AKAP8L: variants seen among roughly 807,000 people sequenced by gnomAD.
AKAP8L encodes A-kinase anchoring protein 8 like, also known as A-kinase anchor protein 8-like.
Under a neutral mutation model 77.5 loss-of-function variants are expected in AKAP8L, and 34 were observed. That is an observed-to-expected ratio of 0.44 (90% CI 0.33 to 0.58). The LOEUF is 0.58. AKAP8L is among the 20% of genes least tolerant of loss of function. The probability of loss-of-function intolerance (pLI) is 0.02; values close to 1 mark genes in which losing one functional copy is unlikely to be tolerated. For missense variants in AKAP8L, 806 were observed against 887.6 expected, an observed-to-expected ratio of 0.91 and a Z score of 1.17; for synonymous variants, 342 against 340.7, an observed-to-expected ratio of 1.00 and a Z score of -0.04.
chr19:15,391,819 G>A (rs909317569), intron 12 of AKAP8L, among the ~76,000 whole-genome samples: 1 of 152,086 alleles, frequency 6.6e-6, no homozygotes, highest in Non-Finnish European at 1.5e-5. Flanking sequence ...TTACAGGCAT[G>A]AGCCACTGCG....
At chr19:15,408,951 A>G (rs1568272649) in intron 2 of AKAP8L, among the ~76,000 whole-genome samples, 1 of 152,110 alleles carries the variant, frequency 6.6e-6, no homozygotes, top group African/African-American at 2.4e-5. Flanking sequence ...ACAATTATAT[A>G]TTTATATGCC....
At chr19:15,387,110 T>C (rs553298811) in intron 12 of AKAP8L, among the ~76,000 whole-genome samples, 2 of 152,242 alleles carry the variant, frequency 1.3e-5, no homozygotes, top group African/African-American at 4.8e-5. Context: ...ACTAAGAATA[T>C]AAGGGCTCAC....
At chr19:15,380,985 C>G (rs1205347392) in intron 12 of AKAP8L, 1 of 205,272 alleles carries the variant, frequency 4.9e-6, no homozygotes, top group Admixed American at 5.6e-5. Context: ...GCAAGGAGCA[C>G]TTTGGGGCCA....
intron 1 of AKAP8L, chr19:15,417,720 G>A (rs1022709988): frequency 6.6e-6 from 1 of 152,176 alleles, no homozygotes; most frequent in African/African-American, 2.4e-5. Context: ...ACAGACTCAC[G>A]TTGCATTCTC....
intron 12 of AKAP8L, among the ~76,000 whole-genome samples, chr19:15,384,213 G>A (rs953130805): frequency 6.6e-6 from 1 of 151,326 alleles, no homozygotes; most frequent in Non-Finnish European, 1.5e-5. Context: ...TTATAGGCGT[G>A]AGCCACCGTG....
In AKAP8L at chr19:15,404,394, C is replaced by G. The variant is rs754507413; in HGVS notation, c.89-352G>C. The G allele has an allele frequency of 2.5e-4, 61 of 240,428 alleles. 1 individual carries two copies. Among genetic ancestry groups the G allele is most frequent in the Non-Finnish European group, 4.2e-4 (52 of 123,686 alleles). 14.9% of individuals were successfully genotyped at this position (240,428 alleles called of 1,614,324 possible). ...TTATAGCAGAAAACCCAACCCCAGT[C>G]TCCCAAGAGTCTGCCTTAAAAGGGA... is the stretch of plus-strand genomic sequence containing the variant. On this transcript the variant is annotated intron_variant, in intron 2 of 13. Coordinates refer to ENST00000397410, the MANE Select transcript of AKAP8L (RefSeq NM_014371.4).
At chr19:15,391,319 G>T (rs1223370413) in intron 12 of AKAP8L, among the ~76,000 whole-genome samples, 1 of 150,802 alleles carries the variant, frequency 6.6e-6, no homozygotes, top group East Asian at 2.0e-4. Context: ...TTAGCTGCGC[G>T]TGGTGGCGGG....
Position 15,380,631 on chromosome 19 carries a change from G to T in AKAP8L, c.1537-19C>A. On this transcript the variant is annotated intron_variant, in intron 12 of 13. Transcript: ENST00000397410. Reference sequence around the variant, plus strand: ...TCATGAGCTGCGGGCAGGGCAGAAGGAGCTGGAGAGGCTGCTCTGAGTGCC... The same window carrying T: ...TCATGAGCTGCGGGCAGGGCAGAAGTAGCTGGAGAGGCTGCTCTGAGTGCC... 6.2e-6 allele frequency: 10 copies of T among 1,611,422 alleles called. No individual in the cohort carries two copies. Among genetic ancestry groups the T allele is most frequent in the South Asian group, 1.1e-5 (1 of 91,038 alleles).
At chr19:15,406,414 T>C (rs1457764009) in intron 2 of AKAP8L, among the ~76,000 whole-genome samples, 1 of 123,884 alleles carries the variant, frequency 8.1e-6, no homozygotes, top group East Asian at 2.0e-4. Context: ...ATCCTTAAAA[T>C]TTATATATTT....
chr19:15,386,351 G>A (rs1176272009), intron 12 of AKAP8L, among the ~76,000 whole-genome samples: 1 of 152,140 alleles, frequency 6.6e-6, no homozygotes, highest in African/African-American at 2.4e-5. Flanking sequence ...AGCAGTCTGA[G>A]GCGTTCCCTG....
Position 15,380,166 on chromosome 19 carries a change from G to C in AKAP8L, c.1897C>G (p.Leu633Val). ...LQRQIRGIPG[L>V]DVEDDEEGGG... ...CCCTCCTCGTCGTCCTCCACGTCGA[G>C]GCCCGGGATGCCGCGGATCTGGCGT... The change falls in exon 14 of 14, where the codon CTC becomes GTC. Residue 633 changes from leucine (L) to valine (V), a missense_variant. This residue lies in a region of AKAP8L where 226 missense variants were observed against 193.5 expected (regional missense o/e 1.17). Coordinates refer to ENST00000397410, the MANE Select transcript of AKAP8L (RefSeq NM_014371.4). The C allele has an allele frequency of 5.3e-6, 8 of 1,505,474 alleles. No homozygotes were observed. The highest frequency in any genetic ancestry group is 7.0e-6 in the Non-Finnish European group (8 of 1,135,714). The allele number at this position is 1,505,474 out of a possible 1,614,324, so 93.3% of individuals were successfully genotyped here.
At chr19:15,392,119 C>CT (rs1967676011) in intron 12 of AKAP8L, among the ~76,000 whole-genome samples, 1 of 152,142 alleles carries the variant, frequency 6.6e-6, no homozygotes, top group African/African-American at 2.4e-5. Context: ...CAGGTATGAG[C>CT]TATAATGCCT....
chr19:15,396,382 CAATCAAA>C (rs1327835489), intron 12 of AKAP8L, among the ~76,000 whole-genome samples: 1 of 152,114 alleles, frequency 6.6e-6, no homozygotes, highest in African/African-American at 2.4e-5. Context: ...GTCATCCATT[CAATCAAA>C]AAAACACCTA....
Position 15,403,553 on chromosome 19 carries a change from A to G in AKAP8L, c.284T>C (p.Ile95Thr). ...CGGCACCATATCTAAGCGCTGGTTA[A>G]TTCTGGATAAAACGGAATCGGCACT... ...SASADSVLSR[I>T]NQRLDMVPHL... The change falls in exon 4 of 14, where the codon ATT (isoleucine) becomes ACT (threonine). Residue 95 changes from isoleucine to threonine, a missense_variant. Physicochemically the swap from Ile to Thr is moderately conservative, Grantham distance 89. Transcript: ENST00000397410. This position sits in a 1 kb window ranked among gnomAD's most constrained non-coding sequence, Gnocchi z 4.3. 2 of 1,613,988 alleles carry G rather than the reference A, an allele frequency of 1.2e-6. No homozygotes were observed. The highest frequency in any genetic ancestry group is 1.7e-6 in the Non-Finnish European group (2 of 1,179,896).
intron 12 of AKAP8L, among the ~76,000 whole-genome samples, chr19:15,395,985 A>G (rs1346275275): frequency 7.6e-6 from 1 of 131,338 alleles, no homozygotes; most frequent in Non-Finnish European, 1.6e-5. Flanking sequence ...CTCCGTCTCA[A>G]AAAAAAAAAA....
intron 12 of AKAP8L, among the ~76,000 whole-genome samples, chr19:15,389,498 C>G (rs546762492): frequency 2.0e-5 from 3 of 152,132 alleles, no homozygotes; most frequent in Non-Finnish European, 2.9e-5. Context: ...TCAGGCCGGG[C>G]GTGGTGGCTC....
At chr19:15,381,727 A>G (rs140088386) in intron 12 of AKAP8L, among the ~76,000 whole-genome samples, 1 of 152,096 alleles carries the variant, frequency 6.6e-6, no homozygotes, top group South Asian at 2.1e-4. Flanking sequence ...ACTACTATAG[A>G]CCGTTCCCCC....
chr19:15,415,858 C>T (rs1208558786), intron 1 of AKAP8L, among the ~76,000 whole-genome samples: 1 of 150,286 alleles, frequency 6.7e-6, no homozygotes, highest in Non-Finnish European at 1.5e-5. Flanking sequence ...TGCACTCCAG[C>T]CTGGGTGACA....
In AKAP8L at chr19:15,398,984, CAG is replaced by C. The variant is rs1967832588; in HGVS notation, c.1157+316_1157+317del. On this transcript the variant is annotated intron_variant, in intron 9 of 13. Transcript: ENST00000397410. This position sits in a 1 kb window ranked among gnomAD's most constrained non-coding sequence, Gnocchi z 9.2. ...TCTCTGATGAGCTGGCCCCCTCCCTCAGGGGCATCAGGCCCCCAGTGCACCTT... is the reference window on the plus strand; with the variant it reads ...TCTCTGATGAGCTGGCCCCCTCCCTCGGGCATCAGGCCCCCAGTGCACCTT... 2.5e-6 allele frequency: 1 copy of C among 396,846 alleles called. No individual in the cohort carries two copies. The highest frequency in any genetic ancestry group is 2.1e-5 in the African/African-American group (1 of 48,022). The allele number at this position is 396,846 out of a possible 1,614,324, so 24.6% of individuals were successfully genotyped here. A position where few individuals can be genotyped will look rare whatever the true frequency, so the allele number is the denominator to read the frequency against.
Sources: gnomAD v4.1 joint callset for allele counts (sites outside exome capture counted in the v4.1 genomes callset) on GRCh38, gnomAD v4.1.1 for gene constraint, gnomAD v4.1.1 regional missense constraint, Gnocchi (gnomAD v3.1) non-coding constraint, MANE v1.5 for transcripts, NCBI Gene and HGNC (gene_info 2026-07-23, HGNC 2026-07-21) for gene names.